The following PCDHGA3 variants were observed in gnomAD, a reference collection of about 807,000 sequenced individuals.
PCDHGA3 encodes protocadherin gamma subfamily A, 3, also known as protocadherin gamma-A3.
In PCDHGA3, 40 loss-of-function variants were observed where a neutral mutation model predicts 58.5. The observed-to-expected ratio is 0.68, with a 90% CI of 0.53 to 0.89. The LOEUF (loss-of-function observed/expected upper bound fraction) is 0.89, where lower values mean the gene tolerates loss of function less well. Among genes scored for constraint, PCDHGA3 ranks in the 40% least tolerant of loss-of-function variants. The pLI is 0.00. For synonymous variants in PCDHGA3, 530 were observed against 525.7 expected (o/e 1.01, Z -0.11); for missense variants, 1,223 against 1,195.9 (o/e 1.02, Z -0.33).
At chr5:141,352,793 C>A in intron 1 of PCDHGA3, 1 of 972,824 alleles carries the variant, frequency 1.0e-6, no homozygotes. Flanking sequence ...AGTTTGAGAC[C>A]AGCATAGCCA....
rs1561863583 is a variant in PCDHGA3, at chr5:141,432,685, C to A, written c.2425-62122C>A. Reference sequence around the variant, plus strand: ...ACAGAGACGCGCTCAAGCAGAGCCTCGTAGTGGCCGTCCAGGACCACGGCC... The same window carrying A: ...ACAGAGACGCGCTCAAGCAGAGCCTAGTAGTGGCCGTCCAGGACCACGGCC... On this transcript the variant is annotated intron_variant, in intron 1 of 3. Transcript: ENST00000253812. The surrounding 1 kb of genome is among the most constrained non-coding windows in gnomAD (Gnocchi z 6.0). 3.7e-6 allele frequency: 6 copies of A among 1,613,932 alleles called. No individual in the cohort carries two copies. Among genetic ancestry groups the A allele is most frequent in the Non-Finnish European group, 5.1e-6 (6 of 1,179,966 alleles).
intron 1 of PCDHGA3, chr5:141,419,521 C>T (rs1418329404): frequency 1.2e-6 from 2 of 1,612,122 alleles, no homozygotes; most frequent in East Asian, 2.2e-5. Context: ...TGGTGGGCGA[C>T]CGTAACGACA....
chr5:141,470,969 A>T (rs62379203), intron 1 of PCDHGA3, among the ~76,000 whole-genome samples: 1 of 151,298 alleles, frequency 6.6e-6, no homozygotes, highest in Non-Finnish European at 1.5e-5. Flanking sequence ...CTCCCACCTC[A>T]GCCTCCCAAA....
chr5:141,459,579 T>G (rs1047850142), intron 1 of PCDHGA3, among the ~76,000 whole-genome samples: 2 of 152,212 alleles, frequency 1.3e-5, no homozygotes, highest in African/African-American at 4.8e-5. Context: ...AGAATTGTTT[T>G]GGGGGTCATA....
At chr5:141,419,723 C>A in intron 1 of PCDHGA3, 6 of 1,613,292 alleles carry the variant, frequency 3.7e-6, no homozygotes, top group Non-Finnish European at 5.1e-6. Flanking sequence ...CCTGGGGCTG[C>A]GAACAGGCGA....
intron 1 of PCDHGA3, chr5:141,376,411 C>CTTAGTT: frequency 1.9e-6 from 3 of 1,614,182 alleles, no homozygotes; most frequent in Non-Finnish European, 2.5e-6. Context: ...CCAACTATGC[C>CTTAGTT]GACACGCTTA....
chr5:141,383,695 G>C (rs373055594), intron 1 of PCDHGA3: 3 of 1,613,974 alleles, frequency 1.9e-6, no homozygotes, highest in Non-Finnish European at 2.5e-6. Context: ...CACGGTACAT[G>C]CTATCGACCT....
At chr5:141,399,796 C>T (rs62621781) in intron 1 of PCDHGA3, 21,149 of 1,613,212 alleles carry the variant, frequency 0.013, 194 homozygotes, top group Non-Finnish European at 0.015. Context: ...CAACGCACCG[C>T]GGGTGCTGTA....
Position 141,344,025 on chromosome 5 carries a change from G to T in PCDHGA3, c.-9G>T, listed in dbSNP as rs777463041. On this transcript the variant is annotated 5_prime_UTR_variant, in exon 1 of 4. Transcript: ENST00000253812. ...CCGAATTCAGAGAAAGCGATTCACC[G>T]AAAAGGAAATGACCAATTGCCTGAG... The T allele has an allele frequency of 4.6e-6, 7 of 1,527,384 alleles. No homozygotes were observed. In the South Asian group the frequency reaches 7.9e-5, roughly 17 times the overall value. 94.6% of individuals were successfully genotyped at this position (1,527,384 alleles called of 1,614,324 possible). A position where few individuals can be genotyped will look rare whatever the true frequency, so the allele number is the denominator to read the frequency against.
At chr5:141,503,229 T>C (rs986982708) in intron 2 of PCDHGA3, among the ~76,000 whole-genome samples, 1 of 152,080 alleles carries the variant, frequency 6.6e-6, no homozygotes, top group African/African-American at 2.4e-5. Context: ...ACCGTAAAGA[T>C]GGACAGTTTC....
intron 1 of PCDHGA3, among the ~76,000 whole-genome samples, chr5:141,438,655 T>G (rs1436221152): frequency 7.1e-6 from 1 of 140,042 alleles, no homozygotes; most frequent in East Asian, 2.1e-4. Flanking sequence ...CACACACATA[T>G]ATGTATATAT....
chr5:141,421,834 C>A, intron 1 of PCDHGA3: 2 of 1,613,748 alleles, frequency 1.2e-6, no homozygotes. Flanking sequence ...AAGCCTGGAC[C>A]GAGAGAAAGA....
chr5:141,401,765 G>C (rs2094191872), intron 1 of PCDHGA3, among the ~76,000 whole-genome samples: 1 of 152,138 alleles, frequency 6.6e-6, no homozygotes. Context: ...CATGGTATAA[G>C]TCTTTTGCTT....
chr5:141,345,240 C>A lies in PCDHGA3; in HGVS notation c.1207C>A (p.Arg403Ser), dbSNP rs757266874. The A allele has an allele frequency of 1.2e-6, 2 of 1,613,924 alleles. No homozygotes were observed. Among genetic ancestry groups the A allele is most frequent in the East Asian group, 4.5e-5 (2 of 44,880 alleles). Reference protein sequence around the residue: ...KLEKSIDQYYRLVTATSLDRE... With the variant: ...KLEKSIDQYYSLVTATSLDRE... ...AGAAAAATCAATAGATCAATATTAC[C>A]GCTTAGTGACGGCCACATCCCTGGA... Residue 403 changes from arginine to serine, a missense_variant, in exon 1 of 4, where the codon CGC becomes AGC. Physicochemically the swap from Arg to Ser is moderately radical, Grantham distance 110. This residue lies in a region of PCDHGA3 where 791 missense variants were observed against 708.5 expected (regional missense o/e 1.12). Coordinates refer to ENST00000253812, the MANE Select transcript of PCDHGA3 (RefSeq NM_018916.4).
Position 141,431,432 on chromosome 5 carries a change from AC to A in PCDHGA3, c.2425-63373del. 2 of 1,613,692 alleles carry A rather than the reference AC, an allele frequency of 1.2e-6. No individual in the cohort carries two copies. Among genetic ancestry groups the A allele is most frequent in the Non-Finnish European group, 1.7e-6 (2 of 1,180,026 alleles). On this transcript the variant is annotated intron_variant, in intron 1 of 3. Transcript: ENST00000253812. The surrounding 1 kb of genome is among the most constrained non-coding windows in gnomAD (Gnocchi z 4.8). ...CGGGGGCGACCCGGTGCGCACAGGC[AC>A]CGCGCGCATCCGCGTGATGGTTCTG... is the stretch of plus-strand genomic sequence containing the variant.
In PCDHGA3 at chr5:141,427,737, G is replaced by C. The variant is rs1460682938; in HGVS notation, c.2425-67070G>C. 2.5e-6 allele frequency: 3 copies of C among 1,223,986 alleles called. No homozygotes were observed. The African/African-American group carries it at 4.4e-5, about 18-fold the overall frequency. 75.8% of individuals were successfully genotyped at this position (1,223,986 alleles called of 1,614,324 possible). A position where few individuals can be genotyped will look rare whatever the true frequency, so the allele number is the denominator to read the frequency against. On this transcript the variant is annotated intron_variant, in intron 1 of 3. Coordinates refer to ENST00000253812, the MANE Select transcript of PCDHGA3 (RefSeq NM_018916.4). The stretch of plus-strand genomic sequence containing the variant: ...CCTGGACCTAGGGCTGAATGGCCAA[G>C]TCTCCTACTCCATCGTTACCACTGA...
chr5:141,475,098 C>G (rs1252108172), intron 1 of PCDHGA3, among the ~76,000 whole-genome samples: 1 of 152,108 alleles, frequency 6.6e-6, no homozygotes, highest in East Asian at 1.9e-4. Flanking sequence ...TTATAAAGAT[C>G]CTAGGTGGTA....
intron 1 of PCDHGA3, among the ~76,000 whole-genome samples, chr5:141,459,691 C>T (rs754899227): frequency 3.9e-5 from 6 of 152,158 alleles, no homozygotes; most frequent in East Asian, 1.9e-4. Flanking sequence ...TAAAGCGTTC[C>T]GCTTGCTACA....
At chr5:141,445,313 T>C (rs1186654847) in intron 1 of PCDHGA3, among the ~76,000 whole-genome samples, 8 of 152,328 alleles carry the variant, frequency 5.3e-5, no homozygotes, top group Non-Finnish European at 4.4e-5. Flanking sequence ...GTTTGTAGGT[T>C]GAGAGAACCC....
Sources: gnomAD v4.1 joint callset for allele counts (sites outside exome capture counted in the v4.1 genomes callset) on GRCh38, gnomAD v4.1.1 for gene constraint, gnomAD v4.1.1 regional missense constraint, Gnocchi (gnomAD v3.1) non-coding constraint, MANE v1.5 for transcripts, NCBI Gene and HGNC (gene_info 2026-07-23, HGNC 2026-07-21) for gene names.